The following USP42 variants were observed in gnomAD, a reference collection of about 807,000 sequenced individuals.
The protein encoded by USP42 is ubiquitin carboxyl-terminal hydrolase 42.
A neutral mutation model predicts 113.0 loss-of-function variants in USP42; 23 were observed. That is an observed-to-expected ratio of 0.20 (90% CI 0.15 to 0.29). The LOEUF (loss-of-function observed/expected upper bound fraction) is 0.29, where lower values mean the gene tolerates loss of function less well. USP42 is among the 10% of genes least tolerant of loss of function. The pLI is 1.00. For missense variants in USP42, 2,174 were observed against 1,779.8 expected (o/e 1.22, Z -3.99); for synonymous variants, 933 against 699.0 (o/e 1.33, Z -5.28).
chr7:6,131,426 A>G (rs1041215725), intron 3 of USP42, among the ~76,000 whole-genome samples: 7 of 152,090 alleles, frequency 4.6e-5, no homozygotes, highest in Admixed American at 4.6e-4. Context: ...GTGAGCCGTG[A>G]TCCCGCCACT....
chr7:6,134,418 G>A (rs1781018717), intron 3 of USP42, among the ~76,000 whole-genome samples: 1 of 152,064 alleles, frequency 6.6e-6, no homozygotes, highest in Admixed American at 6.6e-5. Context: ...TTGGGTGCTG[G>A]GATTTTTGTA....
At chr7:6,127,486 G>GT (rs1199351279) in intron 3 of USP42, among the ~76,000 whole-genome samples, 3 of 151,698 alleles carry the variant, frequency 2.0e-5, no homozygotes, top group African/African-American at 7.3e-5. Flanking sequence ...TTTGAGCTGA[G>GT]TTTTTTTGTC....
intron 11 of USP42, 141 bp downstream of exon 11, chr7:6,146,389 G>C (rs1483271765): frequency 1.0e-4 from 66 of 634,894 alleles, no homozygotes; most frequent in Non-Finnish European, 1.3e-5. Flanking sequence ...CCTGGGCATG[G>C]TGCCTCACGC....
chr7:6,160,676 AC>A lies in USP42; in HGVS notation c.*159del, dbSNP rs1782725599. On this transcript the variant is annotated 3_prime_UTR_variant, in exon 18 of 18. Coordinates refer to ENST00000306177, the MANE Select transcript of USP42 (RefSeq NM_032172.3). The stretch of plus-strand genomic sequence containing the variant: ...TACTGTACAGATTTTACCATGGAGA[AC>A]TTTTTTTTTAGTTTTTACCTTTTCT... 1 of 152,584 alleles carries A rather than the reference AC, an allele frequency of 6.6e-6. No individual in the cohort carries two copies. Among genetic ancestry groups the A allele is most frequent in the South Asian group, 2.1e-4 (1 of 4,834 alleles). 9.5% of individuals were successfully genotyped at this position (152,584 alleles called of 1,614,324 possible). A position where few individuals can be genotyped will look rare whatever the true frequency, so the allele number is the denominator to read the frequency against.
At chr7:6,135,992 C>T in intron 4 of USP42, 41 bp downstream of exon 4, 2 of 1,131,120 alleles carry the variant, frequency 1.8e-6, no homozygotes, top group East Asian at 2.7e-5. Flanking sequence ...GTATTTATTA[C>T]CTAGTTATAC....
intron 3 of USP42, among the ~76,000 whole-genome samples, chr7:6,124,168 G>T (rs1035988470): frequency 1.3e-5 from 2 of 151,528 alleles, no homozygotes; most frequent in African/African-American, 4.8e-5. Context: ...GAGCTACCAT[G>T]CCCAGCCCAC....
intron 4 of USP42, among the ~76,000 whole-genome samples, 166 bp from the exon 5 acceptor site, chr7:6,138,926 T>G (rs964326488): frequency 2.0e-4 from 30 of 152,212 alleles, no homozygotes; most frequent in African/African-American, 7.2e-4. Flanking sequence ...AAGGGCCTGA[T>G]CCTGCTTATA....
intron 3 of USP42, among the ~76,000 whole-genome samples, chr7:6,121,124 A>C (rs1780203945): frequency 6.6e-6 from 1 of 151,880 alleles, no homozygotes; most frequent in South Asian, 2.1e-4. Context: ...CAGTCTGTGT[A>C]GGTTCTTTAT....
chr7:6,100,030 A>ATTC (rs1790072147), upstream of USP42, among the ~76,000 whole-genome samples: 1 of 149,220 alleles, frequency 6.7e-6, no homozygotes, highest in Non-Finnish European at 1.5e-5. Context: ...TATTATTATT[A>ATTC]TTGGTAGAGA....
chr7:6,152,967 TAGGA>T (rs1782159275), intron 14 of USP42: 10 of 985,288 alleles, frequency 1.0e-5, no homozygotes, highest in Non-Finnish European at 1.1e-5. Flanking sequence ...TCTTAGTTAT[TAGGA>T]AGAACTAGAG....
chr7:6,123,656 A>G (rs1780361482), intron 3 of USP42, among the ~76,000 whole-genome samples: 1 of 151,994 alleles, frequency 6.6e-6, no homozygotes. Context: ...GCGAGACTCC[A>G]TCTCAAAAAA....
chr7:6,115,207 A>T, intron 2 of USP42, 116 bp from the exon 3 acceptor site: 1 of 966,340 alleles, frequency 1.0e-6, no homozygotes, highest in Non-Finnish European at 1.6e-6. Context: ...TATTTCAGGT[A>T]GGCTGGTCAT....
In USP42 at chr7:6,111,337, A is replaced by G; in HGVS notation, c.204A>G (p.Val68=). Residue 68 remains valine, a synonymous_variant, in exon 2 of 18, where the codon GTA becomes GTG. Transcript: ENST00000306177. ...CTGTAGTTTATTCGAGTTCATCTGT[A>G]CCTGATAAATCAAAACCATCACCAC... ...PGAVVYSSSS[V]PDKSKPSPQK... 3.7e-6 allele frequency: 6 copies of G among 1,611,180 alleles called. No homozygotes were observed. Among genetic ancestry groups the G allele is most frequent in the Non-Finnish European group, 5.1e-6 (6 of 1,178,552 alleles).
At position 6,156,800 on chromosome 7, in the gene USP42, C is replaced by T. The variant is rs1017630992; in HGVS notation, c.3688C>T (p.Leu1230Phe). 1 of 1,599,784 alleles carries T rather than the reference C, an allele frequency of 6.3e-7. No individual in the cohort carries two copies. The highest frequency in any genetic ancestry group is 2.2e-5 in the East Asian group (1 of 44,796). The change falls in exon 16 of 18, where the codon CTC becomes TTC. Residue 1230 changes from leucine to phenylalanine, a missense_variant. Coordinates refer to ENST00000306177, the MANE Select transcript of USP42 (RefSeq NM_032172.3). ...CTCAGCAGCGTGCTCTGACGCTGACCTCCACAGACACAAAAAAAAGAAGAA... is the reference window on the plus strand; with the variant it reads ...CTCAGCAGCGTGCTCTGACGCTGACTTCCACAGACACAAAAAAAAGAAGAA... ...DLSAACSDAD[L>F]HRHKKKKKKK... is the part of the protein sequence containing the mutation.
rs192195116 is a variant in USP42 at position 6,115,504 on chromosome 7, A to G, written c.423A>G (p.Ser141=). ...YTPPLANYML[S]HEHSKTCHAE... is the part of the protein sequence containing the mutation. ...CACCTCTTGCCAATTACATGCTATC[A>G]CATGAACACTCCAAAACATGTAAGT... Residue 141 remains serine (S), a synonymous_variant, in exon 3 of 18, where the codon TCA becomes TCG. Transcript: ENST00000306177. 49 of 1,613,952 alleles carry G rather than the reference A, an allele frequency of 3.0e-5. 1 individual carries two copies. The highest frequency in any genetic ancestry group is 4.2e-5 in the Non-Finnish European group (49 of 1,179,914).
At chr7:6,117,263 A>G (rs1194746032) in intron 3 of USP42, among the ~76,000 whole-genome samples, 1 of 152,112 alleles carries the variant, frequency 6.6e-6, no homozygotes, top group African/African-American at 2.4e-5. Context: ...GAATTAGTTT[A>G]GATTTTCTAG....
chr7:6,149,174 G>A (rs1030229095), intron 12 of USP42, among the ~76,000 whole-genome samples: 1 of 152,232 alleles, frequency 6.6e-6, no homozygotes, highest in East Asian at 1.9e-4. Flanking sequence ...CCTACTCTCC[G>A]CCCACGTGAC....
chr7:6,133,632 A>G (rs1462149814), intron 3 of USP42, among the ~76,000 whole-genome samples: 1 of 151,822 alleles, frequency 6.6e-6, no homozygotes, highest in Non-Finnish European at 1.5e-5. Context: ...CTCCCATCCC[A>G]CATCAGCCTC....
At chr7:6,104,668 G>C (rs550665728), upstream of USP42, among the ~76,000 whole-genome samples, 5 of 152,254 alleles carry the variant, frequency 3.3e-5, no homozygotes, top group African/African-American at 9.6e-5. Flanking sequence ...TCGCCGGCGC[G>C]CAGACGCGCG....
Sources: gnomAD v4.1 joint callset for allele counts (sites outside exome capture counted in the v4.1 genomes callset) on GRCh38, gnomAD v4.1.1 for gene constraint, MANE v1.5 for transcripts, NCBI Gene and HGNC (gene_info 2026-07-23, HGNC 2026-07-21) for gene names.